FCER2: variants seen among roughly 807,000 people sequenced by gnomAD.
The protein encoded by FCER2 is Fc epsilon receptor II, also known as low affinity immunoglobulin epsilon Fc receptor.
In FCER2, 38 loss-of-function variants were observed where a neutral mutation model predicts 49.7. The observed-to-expected ratio is 0.76, with a 90% confidence interval of 0.59 to 1.00. The LOEUF is 1.00. Ranked by LOEUF, FCER2 falls within the 50% of genes least tolerant of loss-of-function variation. The probability of loss-of-function intolerance (pLI) is 0.00; values close to 1 mark genes in which losing one functional copy is unlikely to be tolerated. For missense variants in FCER2, 425 were observed against 419.5 expected (o/e 1.01, Z -0.11); for synonymous variants, 163 against 164.6 (o/e 0.99, Z 0.07).
chr19:7,689,620 T>C (rs543387913), intron 10 of FCER2, among the ~76,000 whole-genome samples, 190 bp from the exon 11 acceptor site: 1 of 152,084 alleles, frequency 6.6e-6, no homozygotes, highest in Admixed American at 6.5e-5. Flanking sequence ...TTTGTTTGTT[T>C]GTTTATTTAT....
rs193197320 is a variant in FCER2, at chr19:7,698,767, C to T, written c.110G>A (p.Gly37Glu). Reference sequence around the variant, plus strand: ...CCACAGGAGAAGCAGAGTCAGCAGCCCAGCCCACAGAGCGGCGGTCACCAG... The same window carrying T: ...CCACAGGAGAAGCAGAGTCAGCAGCTCAGCCCACAGAGCGGCGGTCACCAG... ...LGLVTAALWA[G>E]LLTLLLLWHW... Residue 37 changes from glycine (G) to glutamate (E), a missense_variant, in exon 3 of 11, where the codon GGG becomes GAG. Coordinates refer to ENST00000597921, the MANE Select transcript of FCER2 (RefSeq NM_001220500.2). The T allele has an allele frequency of 2.7e-4, 437 of 1,613,064 alleles. No homozygotes were observed. Among genetic ancestry groups the T allele is most frequent in the Non-Finnish European group, 3.6e-4 (422 of 1,179,602 alleles).
chr19:7,700,301 T>C (rs1171051996), intron 1 of FCER2, among the ~76,000 whole-genome samples: 12 of 152,056 alleles, frequency 7.9e-5, no homozygotes, highest in Admixed American at 3.3e-4. Flanking sequence ...AGCACCCAAC[T>C]CATGAGGCCA....
chr19:7,693,811 G>T (rs2032944849), intron 8 of FCER2, among the ~76,000 whole-genome samples: 1 of 151,026 alleles, frequency 6.6e-6, no homozygotes, highest in South Asian at 2.1e-4. Flanking sequence ...ACCATGCCCA[G>T]CTAATTTTTA....
intron 1 of FCER2, among the ~76,000 whole-genome samples, chr19:7,700,357 C>T (rs1038820461): frequency 9.2e-5 from 14 of 152,088 alleles, no homozygotes; most frequent in Admixed American, 2.6e-4. Context: ...TTTTTGGTGC[C>T]GGGCTGCGCA....
At chr19:7,691,419 A>G (rs1039574739) in intron 8 of FCER2, among the ~76,000 whole-genome samples, 1 of 149,690 alleles carries the variant, frequency 6.7e-6, no homozygotes, top group Admixed American at 6.6e-5. Flanking sequence ...GCAGAGCATC[A>G]ATCACCAACA....
chr19:7,700,755 C>T (rs1277807147), intron 1 of FCER2, among the ~76,000 whole-genome samples: 3 of 152,070 alleles, frequency 2.0e-5, no homozygotes, highest in South Asian at 2.1e-4. Flanking sequence ...CCTCATGATC[C>T]GCCCGCCTCG....
At chr19:7,699,477 G>GTTTTTTTT in intron 2 of FCER2, 13 of 1,261,408 alleles carry the variant, frequency 1.0e-5, no homozygotes, top group South Asian at 4.3e-5. Context: ...AGCTGAAGCC[G>GTTTTTTTT]TTTTTTTTTT....
intron 8 of FCER2, among the ~76,000 whole-genome samples, chr19:7,692,019 A>G (rs1487389853): frequency 9.6e-5 from 7 of 72,970 alleles, no homozygotes; most frequent in Admixed American, 2.2e-4. Context: ...CATCAGCACG[A>G]ATACATTCAC....
rs1046505263 is a variant in FCER2 at position 7,694,266 on chromosome 19, A to G, written c.469+2559T>C. ...TGTAATCCTAGCGATTTGGGAGGCC[A>G]AGATGAGAGGATCACTTGACCCCAG... On this transcript the variant is annotated intron_variant, in intron 8 of 10. Coordinates refer to ENST00000597921, the MANE Select transcript of FCER2 (RefSeq NM_001220500.2). Among the ~76,000 whole-genome samples, 10 of 152,206 alleles carry G rather than the reference A, an allele frequency of 6.6e-5. 1 individual carries two copies. Among genetic ancestry groups the G allele is most frequent in the Admixed American group, 6.5e-4 (10 of 15,288 alleles).
chr19:7,694,281 C>G (rs2032960055), intron 8 of FCER2, among the ~76,000 whole-genome samples: 2 of 152,158 alleles, frequency 1.3e-5, no homozygotes, highest in African/African-American at 4.8e-5. Flanking sequence ...GAGAGGATCA[C>G]TTGACCCCAG....
intron 3 of FCER2, 37 bp downstream of exon 3, chr19:7,698,704 A>T (rs2033082290): frequency 6.2e-7 from 1 of 1,603,432 alleles, no homozygotes; most frequent in Non-Finnish European, 8.5e-7. Context: ...GGGCCCCATG[A>T]GTTGGGGGGA....
intron 10 of FCER2, among the ~76,000 whole-genome samples, chr19:7,689,664 A>G (rs2032804567): frequency 6.6e-6 from 1 of 152,076 alleles, no homozygotes; most frequent in Non-Finnish European, 1.5e-5. Context: ...TCTGTCGCCC[A>G]GGCTGGAGTG....
intron 1 of FCER2, among the ~76,000 whole-genome samples, chr19:7,701,221 C>T (rs778668927): frequency 2.4e-4 from 37 of 152,148 alleles, no homozygotes; most frequent in Non-Finnish European, 4.1e-4. Context: ...ATAGGTAAGT[C>T]CCTTCTCTCG....
Position 7,689,133 on chromosome 19 carries a change from G to C in FCER2, c.*60C>G. ...ACAGGGACCTTTCAGCCACAAAGAG[G>C]CTTTTAGGCCGTGGTTGGGGGTCTT... On this transcript the variant is annotated 3_prime_UTR_variant, in exon 11 of 11. Transcript: ENST00000597921. 2.5e-6 allele frequency: 3 copies of C among 1,201,642 alleles called. No homozygotes were observed. The South Asian group carries it at 3.8e-5, about 15-fold the overall frequency. The allele number at this position is 1,201,642 out of a possible 1,614,324, so 74.4% of individuals were successfully genotyped here.
At chr19:7,693,007 C>T (rs2032922906) in intron 8 of FCER2, among the ~76,000 whole-genome samples, 1 of 152,148 alleles carries the variant, frequency 6.6e-6, no homozygotes, top group Non-Finnish European at 1.5e-5. Context: ...CCAAGGTCAG[C>T]AACACCTTCA....
intron 10 of FCER2, 23 bp downstream of exon 10, chr19:7,690,136 G>A: frequency 2.1e-6 from 3 of 1,449,988 alleles, no homozygotes; most frequent in Non-Finnish European, 1.9e-6. Flanking sequence ...TCCTCCCCTG[G>A]ATCCCAGAGG....
At chr19:7,698,324 C>T (rs761810719) in intron 4 of FCER2, 32 bp downstream of exon 4, 1 of 1,514,140 alleles carries the variant, frequency 6.6e-7, no homozygotes, top group Non-Finnish European at 9.0e-7. Context: ...CTAACCCTCA[C>T]CCCCACCCCC....
intron 8 of FCER2, among the ~76,000 whole-genome samples, chr19:7,691,900 A>G (rs2146269356): frequency 6.6e-6 from 1 of 152,292 alleles, no homozygotes; most frequent in East Asian, 1.9e-4. Context: ...AAGCACCTCA[A>G]CCACCAGCAC....
intron 4 of FCER2, among the ~76,000 whole-genome samples, 196 bp downstream of exon 4, chr19:7,698,160 G>A (rs1173976084): frequency 4.6e-5 from 7 of 152,160 alleles, no homozygotes; most frequent in South Asian, 2.1e-4. Context: ...CATTGCAAGC[G>A]GAAGAGCATC....
Sources: gnomAD v4.1 joint callset for allele counts (sites outside exome capture counted in the v4.1 genomes callset) on GRCh38, gnomAD v4.1.1 for gene constraint, MANE v1.5 for transcripts, NCBI Gene and HGNC (gene_info 2026-07-23, HGNC 2026-07-21) for gene names.